The following QSER1 variants were observed in gnomAD, a reference collection of about 807,000 sequenced individuals.
QSER1 encodes the protein glutamine and serine-rich protein 1.
Under a neutral mutation model 158.5 loss-of-function variants are expected in QSER1, and 49 were observed. The observed-to-expected ratio is 0.31, with a 90% CI of 0.25 to 0.39. The LOEUF (loss-of-function observed/expected upper bound fraction) is 0.39. QSER1 is among the 10% of genes least tolerant of loss of function. The pLI is 1.00. For synonymous variants in QSER1, 650 were observed against 715.5 expected, an observed-to-expected ratio of 0.91 and a Z score of 1.46; for missense variants, 1,754 against 2,010.3, an observed-to-expected ratio of 0.87 and a Z score of 2.44.
intron 10 of QSER1, among the ~76,000 whole-genome samples, chr11:32,969,686 C>CTTTTTTT (rs1321422488): frequency 1.5e-5 from 2 of 134,738 alleles, no homozygotes; most frequent in Admixed American, 1.5e-4. Flanking sequence ...CTTTTCTTTT[C>CTTTTTTT]TTTTTTTTTT....
chr11:32,903,662 A>T (rs1590708555), intron 1 of QSER1, among the ~76,000 whole-genome samples: 1 of 152,040 alleles, frequency 6.6e-6, no homozygotes. Flanking sequence ...GCTGGAGTAC[A>T]GTGGCGCGAT....
chr11:32,964,737 T>C (rs866793174), intron 8 of QSER1, among the ~76,000 whole-genome samples: 4,142 of 112,404 alleles, frequency 0.037, 130 homozygotes, highest in Non-Finnish European at 0.058. Context: ...TATATATATA[T>C]ATACACACAC....
Position 32,955,311 on chromosome 11 carries a change from G to A in QSER1, c.4516G>A (p.Gly1506Arg), listed in dbSNP as rs919380014. ...IETFKEALKT[G>R]KEPPAIWKVQ... ...GTTATTACAGGAGGCTTTAAAAACA[G>A]GAAAAGAACCTCCAGCTATTTGGAA... Residue 1506 changes from glycine (G) to arginine (R), a missense_variant, in exon 6 of 13, where the codon GGA becomes AGA. Gly to Arg is a moderately radical substitution (Grantham distance 125, BLOSUM62 -2). This residue lies in a region of QSER1 where 1,707 missense variants were observed against 1,919.6 expected (regional missense o/e 0.89). Transcript: ENST00000650167. The A allele has an allele frequency of 1.3e-6, 2 of 1,584,498 alleles. No homozygotes were observed. Among genetic ancestry groups the A allele is most frequent in the African/African-American group, 2.7e-5 (2 of 73,326 alleles).
rs1478045124 is a variant in QSER1, at chr11:32,977,629, C to T, written c.*1155C>T. On this transcript the variant is annotated 3_prime_UTR_variant, in exon 13 of 13. Transcript: ENST00000650167. ...GCTCTCCTTTTGGTGCCTTTCCAGC[C>T]TTTATACACACTATTGTAGCTTTCT... 11 of 152,558 alleles carry T rather than the reference C, an allele frequency of 7.2e-5. No homozygotes were observed. Among genetic ancestry groups the T allele is most frequent in the Non-Finnish European group, 1.3e-4 (9 of 68,026 alleles). The allele number at this position is 152,558 out of a possible 1,614,324, so 9.5% of individuals were successfully genotyped here.
intron 8 of QSER1, among the ~76,000 whole-genome samples, chr11:32,964,463 A>G (rs1452615032): frequency 6.6e-6 from 1 of 152,204 alleles, no homozygotes; most frequent in Non-Finnish European, 1.5e-5. Context: ...GAAAGTACAT[A>G]GTATCTTAAT....
Position 32,954,191 on chromosome 11 carries a change from G to A in QSER1, c.4500+12G>A, listed in dbSNP as rs1237353748. ...TAGAGACTTTTAAGGTGATGTCAGT[G>A]TTCACCAGTGTAAAGGTCATAGTTT... On this transcript the variant is annotated intron_variant, in intron 5 of 12. Transcript: ENST00000650167. The A allele has an allele frequency of 6.2e-7, 1 of 1,605,966 alleles. No individual in the cohort carries two copies. The highest frequency in any genetic ancestry group is 2.2e-5 in the East Asian group (1 of 44,822).
Position 32,932,632 on chromosome 11 carries a change from A to G in QSER1, c.1374A>G (p.Thr458=). 2 of 1,614,172 alleles carry G rather than the reference A, an allele frequency of 1.2e-6. No homozygotes were observed. Among genetic ancestry groups the G allele is most frequent in the Non-Finnish European group, 1.7e-6 (2 of 1,180,032 alleles). ...VISGQAQIYS[T]AQLPSLLSVS... is the part of the protein sequence containing the mutation. Reference sequence around the variant, plus strand: ...CGGGCCAAGCACAAATTTATTCTACAGCGCAGCTACCAAGCCTTTTATCAG... The same window carrying G: ...CGGGCCAAGCACAAATTTATTCTACGGCGCAGCTACCAAGCCTTTTATCAG... The change falls in exon 4 of 13, where the codon ACA becomes ACG. Residue 458 remains threonine, a synonymous_variant. Coordinates refer to ENST00000650167, the MANE Select transcript of QSER1 (RefSeq NM_001076786.3).
chr11:32,965,944 AACACACACACACACAC>A lies in QSER1; in HGVS notation c.4970-329_4970-314del, dbSNP rs5790910. On this transcript the variant is annotated intron_variant, in intron 8 of 12. Coordinates refer to ENST00000650167, the MANE Select transcript of QSER1 (RefSeq NM_001076786.3). ...CAACAAGAGTGAAACTCTGTCTCAA[AACACACACACACACAC>A]ACACACACACACACACACACACACA... Among the ~76,000 whole-genome samples the A allele has an allele frequency of 9.7e-4, 120 of 123,620 alleles. 1 individual carries two copies. Among genetic ancestry groups the A allele is most frequent in the South Asian group, 2.2e-3 (7 of 3,172 alleles). 81.1% of individuals were successfully genotyped at this position (123,620 alleles called of 152,430 possible).
chr11:32,965,907 C>T (rs931000858), intron 8 of QSER1, among the ~76,000 whole-genome samples: 14 of 148,360 alleles, frequency 9.4e-5, no homozygotes, highest in Admixed American at 7.6e-4. Context: ...CGCCATTGTA[C>T]TCCAGCCTGG....
At chr11:32,959,658 T>A (rs949074089) in intron 8 of QSER1, among the ~76,000 whole-genome samples, 1 of 152,260 alleles carries the variant, frequency 6.6e-6, no homozygotes, top group African/African-American at 2.4e-5. Flanking sequence ...TTTCTGACAT[T>A]ACAAGTATCA....
At chr11:32,963,477 G>T (rs1852666333) in intron 8 of QSER1, among the ~76,000 whole-genome samples, 1 of 151,930 alleles carries the variant, frequency 6.6e-6, no homozygotes, top group Admixed American at 6.6e-5. Flanking sequence ...TCAGCCTCCC[G>T]AGTAGCTGGG....
chr11:32,975,751 G>A, intron 12 of QSER1: 3 of 682,914 alleles, frequency 4.4e-6, no homozygotes, highest in Non-Finnish European at 5.7e-6. Context: ...AGAGAAGTGG[G>A]GTTTTGTGCC....
rs539851192 is a variant in QSER1 at position 32,950,762 on chromosome 11, A to G, written c.4178-3095A>G. On this transcript the variant is annotated intron_variant, in intron 4 of 12. Transcript: ENST00000650167. The stretch of plus-strand genomic sequence containing the variant: ...TATTTGGGATGTTTCATGTAAAGGG[A>G]ATCCTATAATAAGTGACCTTCTGTA... Among the ~76,000 whole-genome samples the G allele has an allele frequency of 2.6e-5, 4 of 152,294 alleles. No homozygotes were observed. In the South Asian group the frequency reaches 8.3e-4, roughly 32 times the overall value.
At chr11:32,916,931 T>TA in intron 1 of QSER1, among the ~76,000 whole-genome samples, 1 of 152,252 alleles carries the variant, frequency 6.6e-6, no homozygotes, top group Non-Finnish European at 1.5e-5. Context: ...GGACTACAGA[T>TA]GCATGCCACC....
At position 32,919,158 on chromosome 11, in the gene QSER1, G is replaced by A. The variant is rs139939856; in HGVS notation, c.210-7999G>A. On this transcript the variant is annotated intron_variant, in intron 1 of 12. Coordinates refer to ENST00000650167, the MANE Select transcript of QSER1 (RefSeq NM_001076786.3). ...CTTAGTTTGTTGTTTTTGTTGTTGC[G>A]GTTTTGTTTTTTAGAGACAGAGTCT... 3.0e-4 allele frequency among the ~76,000 whole-genome samples: 46 copies of A among 152,074 alleles called. 1 individual carries two copies. In the East Asian group the frequency reaches 7.5e-3, roughly 25 times the overall value.
At position 32,933,592 on chromosome 11, in the gene QSER1, C is replaced by G. The variant is rs1852088874; in HGVS notation, c.2334C>G (p.Val778=). 1.2e-6 allele frequency: 2 copies of G among 1,613,938 alleles called. 1 individual carries two copies. The change falls in exon 4 of 13, where the codon GTC becomes GTG. Residue 778 remains valine, a synonymous_variant. Coordinates refer to ENST00000650167, the MANE Select transcript of QSER1 (RefSeq NM_001076786.3). The part of the protein sequence containing the change: ...VTQLNQQIGQ[V]NNAATLDLKN... ...AACTTAACCAACAAATTGGCCAAGT[C>G]AATAATGCAGCTACCCTTGATCTTA...
At chr11:32,920,045 A>G (rs529174360) in intron 1 of QSER1, among the ~76,000 whole-genome samples, 9 of 152,152 alleles carry the variant, frequency 5.9e-5, no homozygotes, top group African/African-American at 1.9e-4. Context: ...CTGCCCCAGT[A>G]CTAGAATCAG....
intron 8 of QSER1, among the ~76,000 whole-genome samples, chr11:32,964,762 A>T (rs1184298800): frequency 1.4e-5 from 2 of 146,782 alleles, no homozygotes; most frequent in Non-Finnish European, 3.0e-5. Flanking sequence ...ACACACACAC[A>T]CACACACACA....
intron 4 of QSER1, among the ~76,000 whole-genome samples, chr11:32,947,089 C>G (rs1443024372): frequency 6.6e-6 from 1 of 152,218 alleles, no homozygotes; most frequent in East Asian, 1.9e-4. Flanking sequence ...TGCTTTGGCT[C>G]GCGCACGGTG....
Sources: gnomAD v4.1 joint callset for allele counts (sites outside exome capture counted in the v4.1 genomes callset) on GRCh38, gnomAD v4.1.1 for gene constraint, gnomAD v4.1.1 regional missense constraint, MANE v1.5 for transcripts, NCBI Gene and HGNC (gene_info 2026-07-23, HGNC 2026-07-21) for gene names.